Variants in MARCHF1 observed in about 807,000 individuals in gnomAD.
MARCHF1 encodes the protein membrane associated ring-CH-type finger 1.
In MARCHF1, 40 loss-of-function variants were observed where a neutral mutation model predicts 54.2. The ratio of observed to expected loss-of-function variants is 0.74; its 90% CI spans 0.57 to 0.96. The LOEUF (loss-of-function observed/expected upper bound fraction) is 0.96, where lower values mean the gene tolerates loss of function less well. Ranked by LOEUF, MARCHF1 falls within the 40% of genes least tolerant of loss-of-function variation. MARCHF1 has a pLI of 0.00. For synonymous variants in MARCHF1, 236 were observed against 236.3 expected, an observed-to-expected ratio of 1.00 and a Z score of 0.01; for missense variants, 586 against 656.5, an observed-to-expected ratio of 0.89 and a Z score of 1.17.
chr4:164,100,435 T>C (rs1755516716), intron 2 of MARCHF1, among the ~76,000 whole-genome samples: 2 of 152,224 alleles, frequency 1.3e-5, no homozygotes, highest in African/African-American at 4.8e-5. Flanking sequence ...AGTTCCTTCC[T>C]GACAAAAACA....
intron 1 of MARCHF1, among the ~76,000 whole-genome samples, chr4:164,342,500 T>A (rs540691424): frequency 1.3e-5 from 2 of 151,474 alleles, no homozygotes; most frequent in Admixed American, 6.6e-5. Flanking sequence ...GTTATGCACA[T>A]GTACCCTAAA....
chr4:164,015,804 A>AT (rs1221377246), intron 2 of MARCHF1, among the ~76,000 whole-genome samples: 2 of 152,152 alleles, frequency 1.3e-5, no homozygotes, highest in African/African-American at 4.8e-5. Context: ...AAGACAAGCA[A>AT]TAACAAATGC....
At chr4:163,758,864 C>T (rs1370514101) in intron 4 of MARCHF1, among the ~76,000 whole-genome samples, 1 of 152,022 alleles carries the variant, frequency 6.6e-6, no homozygotes, top group African/African-American at 2.4e-5. Flanking sequence ...AACTCAATAA[C>T]TGATAATATA....
At chr4:163,688,370 C>T (rs28421741) in intron 5 of MARCHF1, among the ~76,000 whole-genome samples, 15,155 of 152,186 alleles carry the variant, frequency 0.1, 1,420 homozygotes, top group African/African-American at 0.25. Context: ...AAAAACCTGA[C>T]TTCTTTGACT....
intron 4 of MARCHF1, among the ~76,000 whole-genome samples, chr4:163,779,047 T>C (rs1747387132): frequency 1.3e-5 from 2 of 152,178 alleles, no homozygotes; most frequent in African/African-American, 4.8e-5. Context: ...CATCTCCTCT[T>C]TTCAAAAATG....
chr4:163,805,246 G>T (rs1045604760), intron 4 of MARCHF1, among the ~76,000 whole-genome samples: 9 of 151,950 alleles, frequency 5.9e-5, no homozygotes, highest in Admixed American at 2.6e-4. Flanking sequence ...TATTATTATT[G>T]TTAATTTACA....
chr4:163,710,387 C>T (rs1181235140), intron 4 of MARCHF1, among the ~76,000 whole-genome samples: 2 of 152,110 alleles, frequency 1.3e-5, no homozygotes, highest in African/African-American at 4.8e-5. Flanking sequence ...TATGTACTTA[C>T]ACATTTATTA....
chr4:163,892,585 A>G (rs1332222230), intron 3 of MARCHF1, among the ~76,000 whole-genome samples: 1 of 151,440 alleles, frequency 6.6e-6, no homozygotes, highest in African/African-American at 2.4e-5. Flanking sequence ...AACTTAAAGT[A>G]TAATAAAAAA....
chr4:163,619,114 T>C (rs1741600342), intron 5 of MARCHF1, among the ~76,000 whole-genome samples: 1 of 152,168 alleles, frequency 6.6e-6, no homozygotes, highest in Non-Finnish European at 1.5e-5. Context: ...AAGTGGTACA[T>C]AGTCAAGATG....
At chr4:164,296,405 C>A (rs1022659032) in intron 1 of MARCHF1, among the ~76,000 whole-genome samples, 4 of 152,192 alleles carry the variant, frequency 2.6e-5, no homozygotes, top group African/African-American at 9.7e-5. Context: ...GCGAGTCTCG[C>A]TCTGTCACCC....
At chr4:164,128,232 A>G (rs1756227271) in intron 1 of MARCHF1, among the ~76,000 whole-genome samples, 1 of 152,152 alleles carries the variant, frequency 6.6e-6, no homozygotes, top group Non-Finnish European at 1.5e-5. Context: ...TCCTTATAAT[A>G]TGGAGGTATT....
intron 1 of MARCHF1, among the ~76,000 whole-genome samples, chr4:164,350,263 T>C (rs186446698): frequency 4.0e-4 from 61 of 152,252 alleles, no homozygotes; most frequent in African/African-American, 1.5e-3. Context: ...GAAAAATAAA[T>C]ACTGCACATT....
At chr4:163,573,070 A>G (rs1739894124) in intron 8 of MARCHF1, among the ~76,000 whole-genome samples, 1 of 152,066 alleles carries the variant, frequency 6.6e-6, no homozygotes, top group African/African-American at 2.4e-5. Context: ...GAGAGATTAA[A>G]TCTCTCAGCT....
At chr4:164,247,977 T>C (rs1362786804) in intron 1 of MARCHF1, among the ~76,000 whole-genome samples, 1 of 151,496 alleles carries the variant, frequency 6.6e-6, no homozygotes, top group Admixed American at 6.6e-5. Context: ...AAATACAATC[T>C]ACCACACTGT....
chr4:164,224,503 T>G (rs958580254), intron 1 of MARCHF1, among the ~76,000 whole-genome samples: 1 of 151,942 alleles, frequency 6.6e-6, no homozygotes, highest in Non-Finnish European at 1.5e-5. Flanking sequence ...TCTACCTACA[T>G]CTCGCTAGCA....
intron 1 of MARCHF1, among the ~76,000 whole-genome samples, chr4:164,217,152 T>C (rs893000040): frequency 1.3e-5 from 2 of 152,334 alleles, no homozygotes; most frequent in Admixed American, 1.3e-4. Context: ...TTGAACATGA[T>C]GCAGCTCTCT....
intron 5 of MARCHF1, among the ~76,000 whole-genome samples, chr4:163,663,128 TAA>T (rs1174302361): frequency 1.3e-5 from 2 of 152,060 alleles, no homozygotes; most frequent in Non-Finnish European, 2.9e-5. Context: ...CAGGCCAAAA[TAA>T]AAAGTCAAGC....
chr4:163,602,885 C>T (rs1249023788), intron 7 of MARCHF1, among the ~76,000 whole-genome samples: 1 of 151,976 alleles, frequency 6.6e-6, no homozygotes, highest in Admixed American at 6.6e-5. Flanking sequence ...AGTGACTGTA[C>T]ATCTAGGACC....
intron 7 of MARCHF1, among the ~76,000 whole-genome samples, chr4:163,610,642 T>C (rs1169095383): frequency 2.0e-5 from 3 of 152,084 alleles, no homozygotes; most frequent in African/African-American, 7.2e-5. Context: ...AGTGGTTTAG[T>C]CCATCCCCTA....
Sources: allele counts gnomAD v4.1 joint callset (sites outside exome capture counted in the v4.1 genomes callset), GRCh38; gene constraint gnomAD v4.1.1; transcripts MANE v1.5; gene names NCBI Gene and HGNC (gene_info 2026-07-23, HGNC 2026-07-21).